TLR9: variants seen among roughly 807,000 people sequenced by gnomAD.
TLR9 encodes toll like receptor 9.
Under a neutral mutation model 24.6 loss-of-function variants are expected in TLR9, and 19 were observed. That is an observed-to-expected ratio of 0.77 (90% CI 0.54 to 1.13). TLR9 has a LOEUF of 1.13. Among genes scored for constraint, TLR9 ranks in the 50% most tolerant of loss-of-function variants. The pLI is 0.00. For missense variants in TLR9, 1,065 were observed against 1,379.6 expected (o/e 0.77, Z 3.61); for synonymous variants, 579 against 609.8 (o/e 0.95, Z 0.74).
Position 52,223,720 on chromosome 3 carries a change from C to A in TLR9, c.596G>T (p.Gly199Val). 6.3e-7 allele frequency: 1 copy of A among 1,586,752 alleles called. No individual in the cohort carries two copies. The highest frequency in any genetic ancestry group is 8.6e-7 in the Non-Finnish European group (1 of 1,165,868). Reference protein sequence around the residue: ...EVAPGALLGLGNLTHLSLKYN... With the variant: ...EVAPGALLGLVNLTHLSLKYN... ...CTTGAGTGACAGGTGGGTGAGGTTG[C>A]CCAGGCCAAGGAGGGCACCCGGGGC... The change falls in exon 2 of 2, where the codon GGC (glycine) becomes GTC (valine). Residue 199 changes from glycine to valine, a missense_variant. Transcript: ENST00000360658.
chr3:52,225,633 C>T lies in TLR9; in HGVS notation c.-104G>A, dbSNP rs201261469. The T allele has an allele frequency of 3.3e-5, 50 of 1,498,836 alleles. No homozygotes were observed. The African/African-American group carries it at 4.4e-4, about 13-fold the overall frequency. 92.8% of individuals were successfully genotyped at this position (1,498,836 alleles called of 1,614,324 possible). A position where few individuals can be genotyped will look rare whatever the true frequency, so the allele number is the denominator to read the frequency against. On this transcript the variant is annotated 5_prime_UTR_variant, in exon 1 of 2. Coordinates refer to ENST00000360658, the MANE Select transcript of TLR9 (RefSeq NM_017442.4). ...AGGTCCCTTCCCACAGGGGCAGCAG[C>T]GGCTCAGAGAATAGAGGAAGTAAGA...
rs1699569452 is a variant in TLR9 at position 52,222,326 on chromosome 3, A to G, written c.1990T>C (p.Tyr664His). The change falls in exon 2 of 2, where the codon TAC becomes CAC. Residue 664 changes from tyrosine to histidine, a missense_variant. Transcript: ENST00000360658. The part of the protein sequence containing the change: ...SLQVLRLRDN[Y>H]LAFFKWWSLH... ...CTCCACCACTTAAAGAAGGCCAGGT[A>G]ATTGTCACGGAGACGCAGCACCTGT... 6.2e-7 allele frequency: 1 copy of G among 1,614,190 alleles called. No individual in the cohort carries two copies. The highest frequency in any genetic ancestry group is 1.3e-5 in the African/African-American group (1 of 75,058).
chr3:52,221,853 G>C lies in TLR9; in HGVS notation c.2463C>G (p.Leu821=), dbSNP rs1294113565. 2 of 1,613,790 alleles carry C rather than the reference G, an allele frequency of 1.2e-6. No individual in the cohort carries two copies. The highest frequency in any genetic ancestry group is 1.7e-6 in the Non-Finnish European group (2 of 1,180,026). The change falls in exon 2 of 2, where the codon CTC becomes CTG. Residue 821 remains leucine, a synonymous_variant. Coordinates refer to ENST00000360658, the MANE Select transcript of TLR9 (RefSeq NM_017442.4). The surrounding 1 kb of genome is among the most constrained non-coding windows in gnomAD (Gnocchi z 9.9). ...DEALSWDCFA[L]SLLAVALGLG... Reference sequence around the variant, plus strand: ...GGCCCAGAGCCACAGCCAGCAGCGAGAGGGCGAAACAGTCCCAGGAGAGGG... The same window carrying C: ...GGCCCAGAGCCACAGCCAGCAGCGACAGGGCGAAACAGTCCCAGGAGAGGG...
chr3:52,221,296 GC>G lies in TLR9; in HGVS notation c.3019del (p.Ala1007ProfsTer7). 6.5e-7 allele frequency: 1 copy of G among 1,533,700 alleles called. No homozygotes were observed. ...CCTGGTCAGGGCCATGCCCAGCTGG[GC>G]CCAGAAGCTGCGCTGACCACTGGGC... is the stretch of plus-strand genomic sequence containing the variant. ...HQPSGQRSFW[A>X]QLGMALTRDN... On this transcript the variant is annotated frameshift_variant, in exon 2 of 2. Coordinates refer to ENST00000360658, the MANE Select transcript of TLR9 (RefSeq NM_017442.4). LOFTEE classifies it high-confidence loss of function. The surrounding 1 kb of genome is among the most constrained non-coding windows in gnomAD (Gnocchi z 9.9).
In TLR9 at chr3:52,223,668, G is replaced by T. The variant is rs1179530648; in HGVS notation, c.648C>A (p.Arg216=). The change falls in exon 2 of 2, where the codon CGC becomes CGA. Residue 216 remains arginine (R), a synonymous_variant. Transcript: ENST00000360658. ...LKYNNLTVVP[R]NLPSSLEYLL... ...GATACTCCAGGCTGGAAGGCAGGTT[G>T]CGGGGCACCACAGTGAGGTTGTTGT... The T allele has an allele frequency of 6.3e-7, 1 of 1,596,946 alleles. No individual in the cohort carries two copies. The highest frequency in any genetic ancestry group is 1.3e-5 in the African/African-American group (1 of 74,410).
At position 52,221,176 on chromosome 3, in the gene TLR9, G is replaced by A. The variant is rs773629639; in HGVS notation, c.*41C>T. ...GTCAGACCAGGCAGGCAGAGGTGAG[G>A]TGAGTGTGGAGGTGGCACCGTGCAG... On this transcript the variant is annotated 3_prime_UTR_variant, in exon 2 of 2. Coordinates refer to ENST00000360658, the MANE Select transcript of TLR9 (RefSeq NM_017442.4). The surrounding 1 kb of genome is among the most constrained non-coding windows in gnomAD (Gnocchi z 9.9). The A allele has an allele frequency of 2.7e-6, 4 of 1,493,586 alleles. No homozygotes were observed. Among genetic ancestry groups the A allele is most frequent in the South Asian group, 2.7e-5 (2 of 72,960 alleles). 92.5% of individuals were successfully genotyped at this position (1,493,586 alleles called of 1,614,324 possible). A position where few individuals can be genotyped will look rare whatever the true frequency, so the allele number is the denominator to read the frequency against.
intron 1 of TLR9, 99 bp from the exon 2 acceptor site, chr3:52,224,411 C>A: frequency 1.1e-6 from 1 of 923,642 alleles, no homozygotes; most frequent in Non-Finnish European, 1.6e-6. Flanking sequence ...ACCCCTCTCT[C>A]CAAGCCCTAC....
chr3:52,221,925 C>T lies in TLR9; in HGVS notation c.2391G>A (p.Gln797=), dbSNP rs199709414. ...GGTCCTGTGCAAAGATGCTGAGGCC[C>T]TGGAGCTGGCCCGGACTGCCACACT... is the stretch of plus-strand genomic sequence containing the variant. ...RVKCGSPGQL[Q]GLSIFAQDLR... The change falls in exon 2 of 2, where the codon CAG becomes CAA. Residue 797 remains glutamine (Q), a synonymous_variant. Transcript: ENST00000360658. The surrounding 1 kb of genome is among the most constrained non-coding windows in gnomAD (Gnocchi z 9.9). The T allele has an allele frequency of 1.1e-5, 17 of 1,613,054 alleles. No individual in the cohort carries two copies. The highest frequency in any genetic ancestry group is 1.3e-5 in the African/African-American group (1 of 75,076).
chr3:52,224,970 C>A (rs928958668), intron 1 of TLR9, among the ~76,000 whole-genome samples: 2 of 152,244 alleles, frequency 1.3e-5, no homozygotes, highest in African/African-American at 2.4e-5. Flanking sequence ...CAGTGAGACC[C>A]AAACCCAGGC....
chr3:52,223,946 T>C lies in TLR9; in HGVS notation c.370A>G (p.Thr124Ala), dbSNP rs201783734. Reference sequence around the variant, plus strand: ...TAGCTCAGGTTTAGCTCTTCCAGGGTGGGCACAGCCAAGAAGGTGCTGGGC... The same window carrying C: ...TAGCTCAGGTTTAGCTCTTCCAGGGCGGGCACAGCCAAGAAGGTGCTGGGC... ...IEPSTFLAVP[T>A]LEELNLSYNN... The change falls in exon 2 of 2, where the codon ACC (threonine) becomes GCC (alanine). Residue 124 changes from threonine (T) to alanine (A), a missense_variant. Thr to Ala is a moderately conservative substitution (Grantham distance 58). Coordinates refer to ENST00000360658, the MANE Select transcript of TLR9 (RefSeq NM_017442.4). 1.3e-6 allele frequency: 2 copies of C among 1,592,176 alleles called. No individual in the cohort carries two copies. The highest frequency in any genetic ancestry group is 2.3e-5 in the South Asian group (2 of 88,512).
In TLR9 at chr3:52,222,480, A is replaced by G. The variant is rs1181083221; in HGVS notation, c.1836T>C (p.His612=). The change falls in exon 2 of 2, where the codon CAT becomes CAC. Residue 612 remains histidine (H), a synonymous_variant. Transcript: ENST00000360658. ...ALDFSGNALG[H]MWAEGDLYLH... is the part of the protein sequence containing the mutation. ...GATAGAGGTCTCCCTCGGCCCACAT[A>G]TGGCCCAGTGCATTGCCGCTGAAGT... 1 of 1,614,202 alleles carries G rather than the reference A, an allele frequency of 6.2e-7. No homozygotes were observed. The highest frequency in any genetic ancestry group is 8.5e-7 in the Non-Finnish European group (1 of 1,180,028).
In TLR9 at chr3:52,222,989, C is replaced by G. The variant is rs200813049; in HGVS notation, c.1327G>C (p.Gly443Arg). Residue 443 changes from glycine (G) to arginine (R), a missense_variant, in exon 2 of 2, where the codon GGG becomes CGG. Transcript: ENST00000360658. ...LTATMGEADG[G>R]EKVWLQPGDL... Reference sequence around the variant, plus strand: ...CCAGGCTGCAGCCAGACCTTCTCCCCTCCATCTGCCTCCCCCATGGTGGCT... The same window carrying G: ...CCAGGCTGCAGCCAGACCTTCTCCCGTCCATCTGCCTCCCCCATGGTGGCT... 1 of 1,591,212 alleles carries G rather than the reference C, an allele frequency of 6.3e-7. No individual in the cohort carries two copies. The highest frequency in any genetic ancestry group is 8.6e-7 in the Non-Finnish European group (1 of 1,166,980).
chr3:52,221,706 G>C lies in TLR9; in HGVS notation c.2610C>G (p.Tyr870Ter). ...QSGRDEDALP[Y>*]DAFVVFDKTQ... ...TTTTGTCGAAGACCACGAAGGCATC[G>C]TAGGGCAGGGCATCCTCATCTCGCC... The change falls in exon 2 of 2, where the codon TAC becomes TAG. Residue 870 changes from tyrosine (Y) to a stop codon, truncating the protein, a stop_gained. Coordinates refer to ENST00000360658, the MANE Select transcript of TLR9 (RefSeq NM_017442.4). LOFTEE classifies it high-confidence loss of function. The surrounding 1 kb of genome is among the most constrained non-coding windows in gnomAD (Gnocchi z 9.9). The C allele has an allele frequency of 1.2e-6, 2 of 1,613,946 alleles. No individual in the cohort carries two copies. The highest frequency in any genetic ancestry group is 1.7e-6 in the Non-Finnish European group (2 of 1,180,026).
In TLR9 at chr3:52,224,124, A is replaced by G. The variant is rs139333792; in HGVS notation, c.192T>C (p.Asn64=). The change falls in exon 2 of 2, where the codon AAT becomes AAC. Residue 64 remains asparagine, a synonymous_variant. Transcript: ENST00000360658. Reference sequence around the variant, plus strand: ...TGGAGGACAAGGAAAGGCTGGTGACATTGCCACGGGGTGCTGCCATGGAGA... The same window carrying G: ...TGGAGGACAAGGAAAGGCTGGTGACGTTGCCACGGGGTGCTGCCATGGAGA... ...PHFSMAAPRG[N]VTSLSLSSNR... is the part of the protein sequence containing the mutation. 9.5e-5 allele frequency: 150 copies of G among 1,574,016 alleles called. No individual in the cohort carries two copies. The highest frequency in any genetic ancestry group is 6.7e-4 in the Admixed American group (38 of 56,968).
rs1699551502 is a variant in TLR9, at chr3:52,221,446, C to A, written c.2870G>T (p.Arg957Leu). 1.9e-6 allele frequency: 3 copies of A among 1,609,178 alleles called. No homozygotes were observed. The highest frequency in any genetic ancestry group is 3.3e-5 in the Admixed American group (2 of 59,768). Residue 957 changes from arginine to leucine, a missense_variant, in exon 2 of 2, where the codon CGC (arginine) becomes CTC (leucine). Physicochemically the swap from Arg to Leu is moderately radical, Grantham distance 102. Transcript: ENST00000360658. This position sits in a 1 kb window ranked among gnomAD's most constrained non-coding sequence, Gnocchi z 9.9. ...GACGTCCTTGCGGTCCTCCAGCAGGCGCTGCTGGGCCAGCAGGAAGCTGGC... is the reference window on the plus strand; with the variant it reads ...GACGTCCTTGCGGTCCTCCAGCAGGAGCTGCTGGGCCAGCAGGAAGCTGGC... The part of the protein sequence containing the change: ...LRASFLLAQQ[R>L]LLEDRKDVVV...
In TLR9 at chr3:52,222,901, G is replaced by T. The variant is rs374117701; in HGVS notation, c.1415C>A (p.Thr472Asn). The T allele has an allele frequency of 2.5e-6, 4 of 1,605,110 alleles. No individual in the cohort carries two copies. Among genetic ancestry groups the T allele is most frequent in the African/African-American group, 2.7e-5 (2 of 74,800 alleles). Residue 472 changes from threonine (T) to asparagine (N), a missense_variant, in exon 2 of 2, where the codon ACC (threonine) becomes AAC (asparagine). By Grantham distance (65) the Thr-to-Asn change is moderately conservative (BLOSUM62 0). Transcript: ENST00000360658. ...SSEDFRPNCS[T>N]LNFTLDLSRN... The stretch of plus-strand genomic sequence containing the variant: ...TGACAGATCCAAGGTGAAGTTGAGG[G>T]TGCTGCAGTTGGGCCTGAAGTCTTC...
In TLR9 at chr3:52,223,997, G is replaced by T; in HGVS notation, c.319C>A (p.His107Asn). The part of the protein sequence containing the change: ...NCPPVGLSPM[H>N]FPCHMTIEPS... The stretch of plus-strand genomic sequence containing the variant: ...TCGATGGTCATGTGGCAGGGGAAGT[G>T]CATGGGGCTGAGGCCAACCGGCGGG... Residue 107 changes from histidine (H) to asparagine (N), a missense_variant, in exon 2 of 2, where the codon CAC (histidine) becomes AAC (asparagine). Transcript: ENST00000360658. 1.3e-6 allele frequency: 2 copies of T among 1,596,728 alleles called. No individual in the cohort carries two copies.
intron 1 of TLR9, 55 bp from the exon 2 acceptor site, chr3:52,224,367 A>C (rs888815556): frequency 7.3e-6 from 10 of 1,364,280 alleles, no homozygotes; most frequent in Non-Finnish European, 4.1e-6. Flanking sequence ...ACCTCCACCC[A>C]CTCCACTTCA....
chr3:52,222,205 C>G lies in TLR9; in HGVS notation c.2111G>C (p.Arg704Pro), dbSNP rs761704908. 2 of 1,613,916 alleles carry G rather than the reference C, an allele frequency of 1.2e-6. No homozygotes were observed. The highest frequency in any genetic ancestry group is 2.7e-5 in the African/African-American group (2 of 74,924). The stretch of plus-strand genomic sequence containing the variant: ...GCTGTTGCAGCTGACATCCAGCCTC[C>G]GGAGCCGGGTGCCAGCAGGCAGGCT... The part of the protein sequence containing the change: ...NGSLPAGTRL[R>P]RLDVSCNSIS... The change falls in exon 2 of 2, where the codon CGG (arginine) becomes CCG (proline). Residue 704 changes from arginine (R) to proline (P), a missense_variant. Transcript: ENST00000360658.
Sources: gnomAD v4.1 joint callset for allele counts (sites outside exome capture counted in the v4.1 genomes callset) on GRCh38, gnomAD v4.1.1 for gene constraint, Gnocchi (gnomAD v3.1) non-coding constraint, MANE v1.5 for transcripts, NCBI Gene and HGNC (gene_info 2026-07-23, HGNC 2026-07-21) for gene names.